The following ARHGAP17 variants were observed in gnomAD, a reference collection of about 807,000 sequenced individuals.
ARHGAP17 encodes Rho GTPase activating protein 17, also known as rho GTPase-activating protein 17.
Under a neutral mutation model 99.5 loss-of-function variants are expected in ARHGAP17, and 57 were observed. That is an observed-to-expected ratio of 0.57 (90% CI 0.46 to 0.71). The LOEUF is 0.71. Ranked by LOEUF, ARHGAP17 falls within the 30% of genes least tolerant of loss-of-function variation. The pLI, the probability that ARHGAP17 is intolerant of heterozygous loss-of-function variation, is 0.00. For missense variants in ARHGAP17, 1,000 were observed against 1,122.4 expected (o/e 0.89, Z 1.56); for synonymous variants, 417 against 429.6 (o/e 0.97, Z 0.36).
chr16:24,924,244 C>T (rs1258071788), intron 19 of ARHGAP17, among the ~76,000 whole-genome samples: 1 of 152,118 alleles, frequency 6.6e-6, no homozygotes, highest in African/African-American at 2.4e-5. Flanking sequence ...TAGAAAGACA[C>T]TTGTAAGAAC....
intron 19 of ARHGAP17, among the ~76,000 whole-genome samples, chr16:24,928,865 A>C (rs1165691991): frequency 2.6e-5 from 4 of 152,244 alleles, no homozygotes; most frequent in African/African-American, 9.6e-5. Context: ...CTAGGATGCA[A>C]AGGAATTTAA....
At chr16:24,941,878 T>C in intron 16 of ARHGAP17, 109 bp downstream of exon 16, 2 of 1,456,956 alleles carry the variant, frequency 1.4e-6, no homozygotes, top group Non-Finnish European at 9.5e-7. Flanking sequence ...CCATCAGTCA[T>C]GGGTGGATGG....
intron 3 of ARHGAP17, among the ~76,000 whole-genome samples, chr16:24,970,850 CTGT>C (rs905065018): frequency 3.3e-5 from 5 of 151,992 alleles, no homozygotes; most frequent in Non-Finnish European, 7.4e-5. Context: ...ATTATTATTG[CTGT>C]TGTTGTTGTT....
At chr16:24,928,043 T>C (rs1362714965) in intron 19 of ARHGAP17, among the ~76,000 whole-genome samples, 1 of 152,246 alleles carries the variant, frequency 6.6e-6, no homozygotes, top group African/African-American at 2.4e-5. Context: ...GAATAACCTG[T>C]TTTCAGGAAT....
intron 17 of ARHGAP17, 182 bp from the exon 18 acceptor site, chr16:24,935,821 G>A: frequency 1.5e-6 from 1 of 682,084 alleles, no homozygotes; most frequent in Non-Finnish European, 2.5e-6. Context: ...GCCATATAAA[G>A]AGCTAATGTT....
intron 1 of ARHGAP17, among the ~76,000 whole-genome samples, chr16:25,009,460 T>TA (rs1437169523): frequency 5.3e-4 from 80 of 152,020 alleles, no homozygotes; most frequent in African/African-American, 1.8e-3. Context: ...TGCAGAATGT[T>TA]ACTGCTGGCA....
In ARHGAP17 at chr16:24,939,486, G is replaced by A. The variant is rs919254835; in HGVS notation, c.1602C>T (p.Thr534=). ...GGGGCTCTGGGCCAGCGGGCACCAC[G>A]GTGCTGCCATCTGTGGGCGGAAGTG... The part of the protein sequence containing the change: ...QPPLPPTDGS[T]VVPAGPEPPP... Residue 534 remains threonine, a synonymous_variant, in exon 17 of 20, where the codon ACC becomes ACT. Transcript: ENST00000289968. The A allele has an allele frequency of 7.4e-6, 12 of 1,611,426 alleles. No homozygotes were observed. The highest frequency in any genetic ancestry group is 1.3e-5 in the African/African-American group (1 of 74,928).
chr16:25,008,081 G>A (rs550105622), intron 1 of ARHGAP17, among the ~76,000 whole-genome samples: 4 of 152,214 alleles, frequency 2.6e-5, no homozygotes, highest in East Asian at 3.9e-4. Context: ...GGGAATATGG[G>A]AAATATTATT....
chr16:24,974,458 T>C lies in ARHGAP17; in HGVS notation c.198+2757A>G, dbSNP rs146233576. Among the ~76,000 whole-genome samples, 189 of 152,048 alleles carry C rather than the reference T, an allele frequency of 1.2e-3. 2 individuals carry two copies. In the East Asian group the frequency reaches 0.026, roughly 21 times the overall value. On this transcript the variant is annotated intron_variant, in intron 3 of 19. Transcript: ENST00000289968. ...AACAAACAAACAAACAAAAAATGCT[T>C]AGCATCTCGGTTCACCCTCCAAATG...
chr16:24,977,215 G>A lies in ARHGAP17; in HGVS notation c.198C>T (p.His66=), dbSNP rs766643559. The change falls in exon 3 of 20, where the codon CAC becomes CAT. Residue 66 remains histidine (H), a splice_region_variant and synonymous_variant. Transcript: ENST00000289968. ...GQHGTDAERR[H]KKLPLTALAQ... ...GGTCTGAGTCACATCTGATACTCAC[G>A]TGTCTCCTCTCGGCATCGGTGCCAT... 3.2e-5 allele frequency: 50 copies of A among 1,576,690 alleles called. 2 individuals are homozygous for A. The highest frequency in any genetic ancestry group is 1.5e-4 in the South Asian group (13 of 85,750).
rs763567266 is a variant in ARHGAP17, at chr16:24,931,356, G to A, written c.1943C>T (p.Pro648Leu). Residue 648 changes from proline (P) to leucine (L), a missense_variant, in exon 19 of 20, where the codon CCT (proline) becomes CTT (leucine). Pro to Leu is a moderately conservative substitution (Grantham distance 98, BLOSUM62 -3). Coordinates refer to ENST00000289968, the MANE Select transcript of ARHGAP17 (RefSeq NM_001006634.3). The part of the protein sequence containing the change: ...PAPPKPGNPP[P>L]GHPGGQSSSG... ...AGAACTCTGGCCCCCGGGGTGGCCA[G>A]GAGGTGGGTTGCCCGGTTTCGGGGG... is the stretch of plus-strand genomic sequence containing the variant. The A allele has an allele frequency of 2.6e-6, 4 of 1,514,328 alleles. No homozygotes were observed. The highest frequency in any genetic ancestry group is 3.5e-6 in the Non-Finnish European group (4 of 1,134,336). 93.8% of individuals were successfully genotyped at this position (1,514,328 alleles called of 1,614,324 possible). A position where few individuals can be genotyped will look rare whatever the true frequency, so the allele number is the denominator to read the frequency against.
intron 1 of ARHGAP17, among the ~76,000 whole-genome samples, chr16:24,992,261 C>T (rs182701709): frequency 6.6e-6 from 1 of 152,280 alleles, no homozygotes; most frequent in East Asian, 1.9e-4. Context: ...CTGTGGATAT[C>T]TAGACGAGAG....
chr16:24,948,912 T>C (rs1597390852), intron 13 of ARHGAP17: 2 of 152,184 alleles, frequency 1.3e-5, no homozygotes. Context: ...AGTTACATTA[T>C]GGAAGTTTTG....
At chr16:25,014,519 A>T (rs893834422) in intron 1 of ARHGAP17, among the ~76,000 whole-genome samples, 1 of 152,222 alleles carries the variant, frequency 6.6e-6, no homozygotes, top group Non-Finnish European at 1.5e-5. Flanking sequence ...ACCTAAGGTG[A>T]GACTTTTTAA....
At chr16:24,983,285 A>C (rs927531700) in intron 1 of ARHGAP17, among the ~76,000 whole-genome samples, 1 of 149,846 alleles carries the variant, frequency 6.7e-6, no homozygotes, top group Non-Finnish European at 1.5e-5. Context: ...GATTATAGGC[A>C]TGAGCCACCG....
At chr16:24,968,314 T>C (rs1567237719) in intron 6 of ARHGAP17, 37 bp downstream of exon 6, 1 of 1,604,574 alleles carries the variant, frequency 6.2e-7, no homozygotes, top group Non-Finnish European at 8.5e-7. Context: ...GTGGTGGGAA[T>C]GGGACACAAT....
chr16:24,959,948 A>G lies in ARHGAP17; in HGVS notation c.605T>C (p.Met202Thr). The G allele has an allele frequency of 6.2e-7, 1 of 1,614,076 alleles. No individual in the cohort carries two copies. Among genetic ancestry groups the G allele is most frequent in the Non-Finnish European group, 8.5e-7 (1 of 1,179,902 alleles). ...DQLAADMYNF[M>T]AKEGEYGKFF... ...TTTGCCATACTCCCCTTCTTTGGCC[A>G]TAAAGTTGTACATGTCTGCTGCAAG... Residue 202 changes from methionine (M) to threonine (T), a missense_variant, in exon 8 of 20, where the codon ATG becomes ACG. Around this residue, in one of 2 missense-constraint regions of ARHGAP17, gnomAD observed 472 missense variants for 611.1 expected, o/e 0.77. Coordinates refer to ENST00000289968, the MANE Select transcript of ARHGAP17 (RefSeq NM_001006634.3).
chr16:24,961,341 A>G (rs2051991155), intron 7 of ARHGAP17, among the ~76,000 whole-genome samples: 1 of 151,892 alleles, frequency 6.6e-6, no homozygotes, highest in Non-Finnish European at 1.5e-5. Flanking sequence ...AATGTAAATG[A>G]ATTACATATA....
At chr16:24,986,957 G>A (rs1358662787) in intron 1 of ARHGAP17, among the ~76,000 whole-genome samples, 1 of 152,198 alleles carries the variant, frequency 6.6e-6, no homozygotes, top group Admixed American at 6.5e-5. Context: ...CAGAAGTTAT[G>A]TCCCTCCTGC....
Sources: gnomAD v4.1 joint callset for allele counts (sites outside exome capture counted in the v4.1 genomes callset) on GRCh38, gnomAD v4.1.1 for gene constraint, gnomAD v4.1.1 regional missense constraint, MANE v1.5 for transcripts, NCBI Gene and HGNC (gene_info 2026-07-23, HGNC 2026-07-21) for gene names.